The following TBX1 variants were observed in gnomAD, a reference collection of about 807,000 sequenced individuals.
TBX1 encodes T-box transcription factor TBX1.
Under a neutral mutation model 40.8 loss-of-function variants are expected in TBX1, and 16 were observed. That is an observed-to-expected ratio of 0.39 (90% CI 0.27 to 0.60). The LOEUF is 0.60. Ranked by LOEUF, TBX1 falls within the 20% of genes least tolerant of loss-of-function variation. The probability of loss-of-function intolerance (pLI) is 0.51; values close to 1 mark genes in which losing one functional copy is unlikely to be tolerated. For synonymous variants in TBX1, 403 were observed against 336.8 expected, an observed-to-expected ratio of 1.20 and a Z score of -2.15; for missense variants, 755 against 728.5, an observed-to-expected ratio of 1.04 and a Z score of -0.42.
In TBX1 at chr22:19,763,225, G is replaced by T; in HGVS notation, c.438-16G>T. ...CTTCCACCAGCTAGGGTGACCCAAG[G>T]CCTCATCACCCCCAGGCGGATGTTT... On this transcript the variant is annotated splice_polypyrimidine_tract_variant and intron_variant, in intron 1 of 6. Coordinates refer to ENST00000649276, the MANE Select transcript of TBX1 (RefSeq NM_001379200.1). 5 of 1,610,244 alleles carry T rather than the reference G, an allele frequency of 3.1e-6. No individual in the cohort carries two copies. Among genetic ancestry groups the T allele is most frequent in the Non-Finnish European group, 4.2e-6 (5 of 1,176,496 alleles).
At chr22:19,780,759 C>CCA (rs1429022109), downstream of TBX1, among the ~76,000 whole-genome samples, 1 of 151,488 alleles carries the variant, frequency 6.6e-6, no homozygotes, top group Non-Finnish European at 1.5e-5. Flanking sequence ...TCAGATTTCT[C>CCA]CACACACTTG....
At position 19,775,759 on chromosome 22, in the gene TBX1, C is replaced by T. The variant is rs1937055287; in HGVS notation, c.1010-3461C>T. Among the ~76,000 whole-genome samples the T allele has an allele frequency of 2.0e-5, 3 of 152,320 alleles. No homozygotes were observed. In the South Asian group the frequency reaches 6.2e-4, roughly 32 times the overall value. ...ATTCTGAGGCCAGGAGCTCCCAAGT[C>T]CCACCTGGCATGAAGCGGTGCCCCA... On this transcript the variant is annotated intron_variant, in intron 8 of 8. Transcript: ENST00000329705.
chr22:19,769,061 A>C (rs1936944873), downstream of TBX1, among the ~76,000 whole-genome samples: 1 of 148,678 alleles, frequency 6.7e-6, no homozygotes, highest in Admixed American at 6.9e-5. Flanking sequence ...CCTGGGTTCA[A>C]GTGATTTCTT....
upstream of TBX1, among the ~76,000 whole-genome samples, chr22:19,757,581 C>A (rs1033376686): frequency 6.6e-6 from 1 of 152,220 alleles, no homozygotes; most frequent in Non-Finnish European, 1.5e-5. Context: ...ATGCCCCCAC[C>A]GACTGGCCCA....
At chr22:19,765,717 T>C (rs745370928) in intron 4 of TBX1, 41 bp from the exon 5 acceptor site, 32 of 1,609,282 alleles carry the variant, frequency 2.0e-5, no homozygotes, top group Non-Finnish European at 2.6e-5. Context: ...TGGCCCAGGC[T>C]GCAGGGCTCC....
chr22:19,778,048 C>T (rs1260743100), intron 8 of TBX1, among the ~76,000 whole-genome samples: 2 of 151,862 alleles, frequency 1.3e-5, no homozygotes, highest in African/African-American at 4.8e-5. Context: ...GCGTGAGCCA[C>T]CACACCCAAC....
At chr22:19,763,993 C>G (rs1392390918) in intron 2 of TBX1, among the ~76,000 whole-genome samples, 162 bp from the exon 3 acceptor site, 1 of 152,166 alleles carries the variant, frequency 6.6e-6, no homozygotes, top group Non-Finnish European at 1.5e-5. Flanking sequence ...CTGTTTAGTC[C>G]ATAGTCCCCC....
chr22:19,764,132 G>T, intron 2 of TBX1, 23 bp from the exon 3 acceptor site: 3 of 1,612,134 alleles, frequency 1.9e-6, no homozygotes, highest in Admixed American at 1.7e-5. Flanking sequence ...CCACATGCAC[G>T]ACCCCACCCC....
downstream of TBX1, among the ~76,000 whole-genome samples, chr22:19,767,760 G>A (rs542551022): frequency 2.0e-5 from 3 of 152,372 alleles, no homozygotes; most frequent in African/African-American, 7.2e-5. Flanking sequence ...TGGGAAGAAG[G>A]GTCATGACAG....
chr22:19,776,337 C>A (rs1231297047), intron 8 of TBX1, among the ~76,000 whole-genome samples: 2 of 152,174 alleles, frequency 1.3e-5, no homozygotes, highest in African/African-American at 4.8e-5. Context: ...TCCAGGAAGG[C>A]CCAGTCCTCC....
downstream of TBX1, among the ~76,000 whole-genome samples, chr22:19,770,093 A>G (rs1053356436): frequency 9.9e-5 from 15 of 152,072 alleles, no homozygotes; most frequent in Admixed American, 1.3e-4. Flanking sequence ...ACTTCCCCCA[A>G]ACATCCTCCT....
intron 4 of TBX1, among the ~76,000 whole-genome samples, chr22:19,765,333 G>A (rs970040204): frequency 2.0e-5 from 3 of 152,166 alleles, no homozygotes; most frequent in Non-Finnish European, 4.4e-5. Context: ...CTCTCCAGCG[G>A]CAACTGTCAC....
Position 19,766,497 on chromosome 22 carries a change from T to C in TBX1, c.1145T>C (p.Leu382Pro), listed in dbSNP as rs2145838313. 7.6e-7 allele frequency: 1 copy of C among 1,310,094 alleles called. No homozygotes were observed. The highest frequency in any genetic ancestry group is 9.7e-7 in the Non-Finnish European group (1 of 1,030,764). 81.2% of individuals were successfully genotyped at this position (1,310,094 alleles called of 1,614,324 possible). A position where few individuals can be genotyped will look rare whatever the true frequency, so the allele number is the denominator to read the frequency against. The stretch of plus-strand genomic sequence containing the variant: ...CTGGCCCGGGTGCTAAGCCCCTCGC[T>C]GCCCGGGGCCGGCGGCGCCGGCGGC... ...QLLARVLSPS[L>P]PGAGGAGGLV... is the part of the protein sequence containing the mutation. The change falls in exon 7 of 7, where the codon CTG becomes CCG. Residue 382 changes from leucine (L) to proline (P), a missense_variant. Physicochemically the swap from Leu to Pro is moderately conservative, Grantham distance 98. Around this residue, in one of 3 missense-constraint regions of TBX1, gnomAD observed 412 missense variants for 317.6 expected, o/e 1.30. Transcript: ENST00000649276.
upstream of TBX1, among the ~76,000 whole-genome samples, chr22:19,760,101 G>A (rs1479061114): frequency 6.6e-6 from 1 of 151,118 alleles, no homozygotes; most frequent in Non-Finnish European, 1.5e-5. Flanking sequence ...GGGAGAAACA[G>A]AAGGACACGA....
chr22:19,761,545 C>G (rs1286215429), intron 1 of TBX1, among the ~76,000 whole-genome samples: 1 of 151,626 alleles, frequency 6.6e-6, no homozygotes, highest in East Asian at 2.0e-4. Flanking sequence ...CGAGGAGCCC[C>G]GCGGGACTCG....
downstream of TBX1, among the ~76,000 whole-genome samples, chr22:19,767,576 C>A (rs944314338): frequency 3.9e-5 from 6 of 152,248 alleles, no homozygotes; most frequent in Non-Finnish European, 7.3e-5. Context: ...GCACTCCCCC[C>A]ACCTTCCCAC....
At chr22:19,766,357 C>T in intron 6 of TBX1, 32 bp from the exon 7 acceptor site, 1 of 1,255,938 alleles carries the variant, frequency 8.0e-7, no homozygotes, top group South Asian at 2.5e-5. Flanking sequence ...CGGCCCCGGC[C>T]GGCCGCGCTC....
chr22:19,768,099 C>G (rs1281383638), downstream of TBX1, among the ~76,000 whole-genome samples: 2 of 152,170 alleles, frequency 1.3e-5, no homozygotes, highest in Admixed American at 1.3e-4. Context: ...TGAGCGCAAG[C>G]AGGAAGGGCT....
chr22:19,767,132 G>A lies in TBX1; in HGVS notation c.*265G>A, dbSNP rs1936890088. 1 of 1,247,108 alleles carries A rather than the reference G, an allele frequency of 8.0e-7. No individual in the cohort carries two copies. Among genetic ancestry groups the A allele is most frequent in the Non-Finnish European group, 1.0e-6 (1 of 996,328 alleles). 77.3% of individuals were successfully genotyped at this position (1,247,108 alleles called of 1,614,324 possible). The stretch of plus-strand genomic sequence containing the variant: ...GGGCCAAGGGGGTCCCCGCCCGCCA[G>A]TGCCAAAGCGCCCGGTCGGAGGCGG... On this transcript the variant is annotated 3_prime_UTR_variant, in exon 7 of 7. Transcript: ENST00000649276.
Sources: gnomAD v4.1 joint callset for allele counts (sites outside exome capture counted in the v4.1 genomes callset) on GRCh38, gnomAD v4.1.1 for gene constraint, gnomAD v4.1.1 regional missense constraint, MANE v1.5 for transcripts, NCBI Gene and HGNC (gene_info 2026-07-23, HGNC 2026-07-21) for gene names.